TENM2: variants seen among roughly 807,000 people sequenced by gnomAD.
The protein encoded by TENM2 is teneurin transmembrane protein 2.
TENM2 carries 52 observed loss-of-function variants against 245.2 expected under a neutral mutation model. That is an observed-to-expected ratio of 0.21 (90% CI 0.17 to 0.27). The LOEUF is 0.27. Among genes scored for constraint, TENM2 ranks in the 10% least tolerant of loss-of-function variants. The probability of loss-of-function intolerance (pLI) is 1.00; values close to 1 mark genes in which losing one functional copy is unlikely to be tolerated. For missense variants in TENM2, 3,046 were observed against 3,666.8 expected (o/e 0.83, Z 4.37); for synonymous variants, 1,363 against 1,438.9 (o/e 0.95, Z 1.19).
rs1764725735 is a variant in TENM2, at chr5:167,788,401, G to A, written c.503-87585G>A. On this transcript the variant is annotated intron_variant, in intron 2 of 28. Transcript: ENST00000518659. ...CATGGGATGCATAGATTAATTGACAGTAAAGGAATCTGTGAAAACATTTCT... is the reference window on the plus strand; with the variant it reads ...CATGGGATGCATAGATTAATTGACAATAAAGGAATCTGTGAAAACATTTCT... Among the ~76,000 whole-genome samples the A allele has an allele frequency of 2.6e-5, 4 of 152,278 alleles. No individual in the cohort carries two copies. In the South Asian group the frequency reaches 6.2e-4, roughly 24 times the overall value.
At chr5:167,087,392 C>T in the TENM2 span, among the ~76,000 whole-genome samples, 1 of 152,156 alleles carries the variant, frequency 6.6e-6, no homozygotes, top group African/African-American at 2.4e-5. Flanking sequence ...GTAGCTCTGC[C>T]TTCCCTGAAA....
intron 1 of TENM2, among the ~76,000 whole-genome samples, chr5:167,357,549 T>G (rs1759426587): frequency 6.6e-6 from 1 of 152,034 alleles, no homozygotes; most frequent in African/African-American, 2.4e-5. Flanking sequence ...TGTGAGCCAC[T>G]TTGCCCGGCC....
At chr5:167,986,498 C>T (rs1462941154) in intron 4 of TENM2, among the ~76,000 whole-genome samples, 3 of 152,162 alleles carry the variant, frequency 2.0e-5, no homozygotes, top group South Asian at 4.2e-4. Flanking sequence ...GTGTGAGCTC[C>T]TCTTTTATTT....
Position 167,692,458 on chromosome 5 carries a change from G to A in TENM2, c.503-183528G>A, listed in dbSNP as rs372893293. On this transcript the variant is annotated intron_variant, in intron 2 of 28. Transcript: ENST00000518659. ...TCTGTATTTTTAATTAACATCTCAGGCATTTTGGACACAGCCAGTGCCTGG... is the reference window on the plus strand; with the variant it reads ...TCTGTATTTTTAATTAACATCTCAGACATTTTGGACACAGCCAGTGCCTGG... Among the ~76,000 whole-genome samples, 4 of 152,200 alleles carry A rather than the reference G, an allele frequency of 2.6e-5. 1 individual carries two copies. In the East Asian group the frequency reaches 7.7e-4, roughly 29 times the overall value.
At chr5:167,949,110 C>T (rs76828295) in intron 3 of TENM2, among the ~76,000 whole-genome samples, 2 of 152,176 alleles carry the variant, frequency 1.3e-5, no homozygotes, top group East Asian at 1.9e-4. Flanking sequence ...CCAAGGCACC[C>T]GAGTGAAACT....
At chr5:167,615,502 T>A (rs2127758637) in intron 2 of TENM2, among the ~76,000 whole-genome samples, 1 of 152,294 alleles carries the variant, frequency 6.6e-6, no homozygotes, top group African/African-American at 2.4e-5. Context: ...TTTTTACCTC[T>A]GCAAAAATAC....
At chr5:168,135,620 A>G (rs1754982791) in intron 12 of TENM2, among the ~76,000 whole-genome samples, 1 of 152,226 alleles carries the variant, frequency 6.6e-6, no homozygotes, top group African/African-American at 2.4e-5. Flanking sequence ...AATAGCAGCT[A>G]CACGAAATTT....
At chr5:167,148,947 TAA>T in the TENM2 span, among the ~76,000 whole-genome samples, 1 of 152,286 alleles carries the variant, frequency 6.6e-6, no homozygotes, top group East Asian at 1.9e-4. Flanking sequence ...TGACAAATAC[TAA>T]GTTAGTCAGT....
chr5:168,061,328 G>A (rs1375713211), intron 6 of TENM2, among the ~76,000 whole-genome samples: 1 of 152,036 alleles, frequency 6.6e-6, no homozygotes, highest in Non-Finnish European at 1.5e-5. Context: ...GTGGTTGCAA[G>A]GGAAACCACA....
Position 167,779,139 on chromosome 5 carries a change from AGC to A in TENM2, c.503-96845_503-96844del, listed in dbSNP as rs1202166895. On this transcript the variant is annotated intron_variant, in intron 2 of 28. Coordinates refer to ENST00000518659, the Ensembl canonical transcript of TENM2. The stretch of plus-strand genomic sequence containing the variant: ...TCAGCACACAACCTCTAAAACACCA[AGC>A]GGGCCAGCAGTGGTGAGCGGTAGCT... 2.0e-5 allele frequency among the ~76,000 whole-genome samples: 3 copies of A among 152,322 alleles called. No individual in the cohort carries two copies. The East Asian group carries it at 5.8e-4, about 29-fold the overall frequency.
rs554328459 is a variant in TENM2, at chr5:167,723,091, G to T, written c.503-152895G>T. On this transcript the variant is annotated intron_variant, in intron 2 of 28. Coordinates refer to ENST00000518659, the Ensembl canonical transcript of TENM2. ...GTATTCAGTGATTATAACCCTATTG[G>T]CATGCTTTTAAAAAAATTAAGGCTA... Among the ~76,000 whole-genome samples, 8 of 152,082 alleles carry T rather than the reference G, an allele frequency of 5.3e-5. No individual in the cohort carries two copies. In the South Asian group the frequency reaches 1.7e-3, roughly 32 times the overall value.
chr5:167,841,915 AT>A (rs1769551399), intron 2 of TENM2, among the ~76,000 whole-genome samples: 1 of 151,880 alleles, frequency 6.6e-6, no homozygotes, highest in South Asian at 2.1e-4. Flanking sequence ...ATATATGTAT[AT>A]TCATATATGT....
chr5:167,310,299 C>T (rs1438055199), intron 1 of TENM2, among the ~76,000 whole-genome samples: 2 of 152,134 alleles, frequency 1.3e-5, no homozygotes, highest in Non-Finnish European at 2.9e-5. Flanking sequence ...ATTTTCTTAG[C>T]ATATTCGGAT....
In TENM2 at chr5:168,039,114, CGA is replaced by C. The variant is rs1562084500; in HGVS notation, c.1187-8307_1187-8306del. On this transcript the variant is annotated intron_variant, in intron 5 of 28. Coordinates refer to ENST00000518659, the Ensembl canonical transcript of TENM2. ...CCTCCTTGCAGAAGGCTATTTTTCA[CGA>C]GAGAGTTCTTTCTCTTTGTTCCAGT... Among the ~76,000 whole-genome samples the C allele has an allele frequency of 3.9e-5, 6 of 152,214 alleles. No individual in the cohort carries two copies. In the South Asian group the frequency reaches 1.0e-3, roughly 26 times the overall value.
At chr5:168,040,205 A>G (rs1187025190) in intron 5 of TENM2, among the ~76,000 whole-genome samples, 1 of 152,232 alleles carries the variant, frequency 6.6e-6, no homozygotes, top group African/African-American at 2.4e-5. Flanking sequence ...GGAAGGCAGC[A>G]GACAAAATCC....
intron 1 of TENM2, among the ~76,000 whole-genome samples, chr5:167,292,312 T>G (rs1353196272): frequency 6.6e-6 from 1 of 152,254 alleles, no homozygotes; most frequent in Admixed American, 6.5e-5. Flanking sequence ...CCTCAAAATT[T>G]GTTTCCGTTT....
intron 9 of TENM2, among the ~76,000 whole-genome samples, chr5:168,101,565 G>A (rs1221584340): frequency 6.6e-6 from 1 of 152,084 alleles, no homozygotes; most frequent in African/African-American, 2.4e-5. Context: ...GTGGCAGGGC[G>A]CACACTGCAA....
chr5:166,990,408 A>G, the TENM2 span, among the ~76,000 whole-genome samples: 3 of 152,210 alleles, frequency 2.0e-5, no homozygotes, highest in Admixed American at 2.0e-4. Flanking sequence ...CTGAAAAAAT[A>G]TGAGATACTG....
chr5:167,222,648 T>G, the TENM2 span, among the ~76,000 whole-genome samples: 2 of 152,214 alleles, frequency 1.3e-5, no homozygotes, highest in Non-Finnish European at 2.9e-5. Flanking sequence ...TTCTCTCTTT[T>G]CTTTGGCTGC....
Sources: allele counts gnomAD v4.1 joint callset (sites outside exome capture counted in the v4.1 genomes callset), GRCh38; gene constraint gnomAD v4.1.1; transcripts MANE v1.5; gene names NCBI Gene and HGNC (gene_info 2026-07-23, HGNC 2026-07-21).